The following PPP2R2C variants were observed in gnomAD, a reference collection of about 807,000 sequenced individuals.
PPP2R2C encodes protein phosphatase 2 regulatory subunit Bgamma.
A neutral mutation model predicts 45.3 loss-of-function variants in PPP2R2C; 10 were observed. That is an observed-to-expected ratio of 0.22 (90% CI 0.14 to 0.37). PPP2R2C has a LOEUF of 0.37. PPP2R2C is among the 10% of genes least tolerant of loss of function. The pLI is 1.00. For synonymous variants in PPP2R2C, 257 were observed against 245.4 expected (o/e 1.05, Z -0.44); for missense variants, 308 against 619.7 (o/e 0.50, Z 5.34).
rs985262662 is a variant in PPP2R2C at position 6,332,018 on chromosome 4, G to A, written c.960+1544C>T. Among the ~76,000 whole-genome samples the A allele has an allele frequency of 7.2e-5, 11 of 152,260 alleles. No individual in the cohort carries two copies. Among genetic ancestry groups the A allele is most frequent in the South Asian group, 2.1e-4 (1 of 4,826 alleles). Reference sequence around the variant, plus strand: ...GCCAGATGCCAAGTGCCCAGCTTACGGCCTCACGCTCCAGAACAGTCATTC... The same window carrying A: ...GCCAGATGCCAAGTGCCCAGCTTACAGCCTCACGCTCCAGAACAGTCATTC... On this transcript the variant is annotated intron_variant, in intron 7 of 8. Transcript: ENST00000382599. This position sits in a 1 kb window ranked among gnomAD's most constrained non-coding sequence, Gnocchi z 4.9.
intron 1 of PPP2R2C, among the ~76,000 whole-genome samples, chr4:6,444,922 C>A (rs1038866628): frequency 2.0e-5 from 3 of 152,202 alleles, no homozygotes. Flanking sequence ...CAGTGGCTCA[C>A]GCCTATAATC....
chr4:6,464,984 T>G (rs546542273), intron 1 of PPP2R2C, among the ~76,000 whole-genome samples: 40 of 152,254 alleles, frequency 2.6e-4, no homozygotes, highest in African/African-American at 8.4e-4. Flanking sequence ...ATTGAACTAC[T>G]GAATGATGAC....
At chr4:6,511,235 T>C (rs1445142148) in intron 2 of PPP2R2C, among the ~76,000 whole-genome samples, 1 of 146,514 alleles carries the variant, frequency 6.8e-6, no homozygotes, top group East Asian at 2.1e-4. Flanking sequence ...ATGTTAGTCG[T>C]TCCGCTGGTG....
At chr4:6,517,523 T>C (rs1202325908) in intron 2 of PPP2R2C, among the ~76,000 whole-genome samples, 3 of 152,208 alleles carry the variant, frequency 2.0e-5, no homozygotes, top group Non-Finnish European at 2.9e-5. Flanking sequence ...GTGCTGCTGT[T>C]ATTATCCATC....
chr4:6,348,994 G>A (rs1712275685), intron 5 of PPP2R2C: 1 of 984,438 alleles, frequency 1.0e-6, no homozygotes, highest in South Asian at 4.7e-5. Context: ...TGGTAAGGCT[G>A]GATTCAGCCT....
At chr4:6,402,175 A>C (rs1204244263) in intron 1 of PPP2R2C, among the ~76,000 whole-genome samples, 1 of 152,152 alleles carries the variant, frequency 6.6e-6, no homozygotes, top group Non-Finnish European at 1.5e-5. Context: ...TCAAGTTTCG[A>C]AGGCAAAGGT....
chr4:6,488,988 A>G (rs1372601508), intron 2 of PPP2R2C, among the ~76,000 whole-genome samples: 1 of 152,134 alleles, frequency 6.6e-6, no homozygotes, highest in East Asian at 1.9e-4. Context: ...CTGAGCACTC[A>G]AGTTGGACTT....
chr4:6,349,916 T>C, intron 5 of PPP2R2C: 1 of 985,308 alleles, frequency 1.0e-6, no homozygotes, highest in South Asian at 4.7e-5. Flanking sequence ...CAGTATTTTC[T>C]GACCTCTCTA....
At chr4:6,550,610 A>G (rs1463324530) in intron 1 of PPP2R2C, among the ~76,000 whole-genome samples, 1 of 152,184 alleles carries the variant, frequency 6.6e-6, no homozygotes, top group African/African-American at 2.4e-5. Flanking sequence ...CCAGTCTACA[A>G]TATTTCGCAG....
chr4:6,411,090 T>G (rs1036524911), intron 1 of PPP2R2C, among the ~76,000 whole-genome samples: 1 of 151,746 alleles, frequency 6.6e-6, no homozygotes, highest in African/African-American at 2.4e-5. Context: ...AGGCTGGTCT[T>G]GAACTCCTGA....
chr4:6,353,001 A>G (rs1457999743), intron 5 of PPP2R2C, among the ~76,000 whole-genome samples: 1 of 152,164 alleles, frequency 6.6e-6, no homozygotes, highest in Non-Finnish European at 1.5e-5. Flanking sequence ...CGATGGCTAC[A>G]GGAACATCTG....
intron 2 of PPP2R2C, among the ~76,000 whole-genome samples, chr4:6,531,182 C>T (rs529895797): frequency 2.6e-5 from 4 of 152,320 alleles, no homozygotes; most frequent in South Asian, 2.1e-4. Context: ...CAGCCGGCAC[C>T]GCTCTCCAGG....
intron 1 of PPP2R2C, among the ~76,000 whole-genome samples, chr4:6,545,194 AG>A (rs1279545087): frequency 6.6e-6 from 1 of 152,244 alleles, no homozygotes; most frequent in African/African-American, 2.4e-5. Flanking sequence ...CATAGTTTTT[AG>A]GGATTTGTTA....
Position 6,472,252 on chromosome 4 carries a change from G to T in PPP2R2C, c.-23C>A. 6.2e-7 allele frequency: 1 copy of T among 1,611,890 alleles called. No individual in the cohort carries two copies. Among genetic ancestry groups the T allele is most frequent in the Non-Finnish European group, 8.5e-7 (1 of 1,178,828 alleles). The stretch of plus-strand genomic sequence containing the variant: ...CATTGAAGGCCGTGCCCGGTGCTCT[G>T]GGCATGCCCCGCCGCCACACACCGA... On this transcript the variant is annotated 5_prime_UTR_variant, in exon 1 of 9. Coordinates refer to ENST00000382599, the MANE Select transcript of PPP2R2C (RefSeq NM_020416.4).
At chr4:6,554,930 G>GAAAGAAAGAAAGAAAGAAAGAAAGAAA in intron 1 of PPP2R2C, among the ~76,000 whole-genome samples, 1 of 116,192 alleles carries the variant, frequency 8.6e-6, no homozygotes, top group African/African-American at 3.9e-5. Context: ...AAGGAAGGAA[G>GAAAGAAAGAAAGAAAGAAAGAAAGAAA]GAAAGAAAGA....
At chr4:6,375,698 G>A in intron 4 of PPP2R2C, 121 bp downstream of exon 4, 2 of 822,328 alleles carry the variant, frequency 2.4e-6, no homozygotes, top group East Asian at 2.6e-5. Flanking sequence ...CCGCCCAGCA[G>A]CCAGCAGCCC....
Position 6,331,651 on chromosome 4 carries a change from G to T in PPP2R2C, c.960+1911C>A, listed in dbSNP as rs967742872. On this transcript the variant is annotated intron_variant, in intron 7 of 8. Transcript: ENST00000382599. This position sits in a 1 kb window ranked among gnomAD's most constrained non-coding sequence, Gnocchi z 5.9. ...TAGTGCATTTCCTATTTCCTGCCTGGAATGTAGGCAAAGTGCTTGGAGGTG... is the reference window on the plus strand; with the variant it reads ...TAGTGCATTTCCTATTTCCTGCCTGTAATGTAGGCAAAGTGCTTGGAGGTG... Among the ~76,000 whole-genome samples, 6 of 152,146 alleles carry T rather than the reference G, an allele frequency of 3.9e-5. No individual in the cohort carries two copies. Among genetic ancestry groups the T allele is most frequent in the African/African-American group, 1.4e-4 (6 of 41,430 alleles).
chr4:6,538,784 G>A (rs1311344985), intron 1 of PPP2R2C, among the ~76,000 whole-genome samples: 4 of 152,204 alleles, frequency 2.6e-5, no homozygotes, highest in Admixed American at 2.6e-4. Context: ...GACGCGTGGA[G>A]CTGGCCGCTC....
At chr4:6,494,702 A>T (rs778560023) in intron 2 of PPP2R2C, among the ~76,000 whole-genome samples, 9 of 152,340 alleles carry the variant, frequency 5.9e-5, no homozygotes, top group Non-Finnish European at 1.2e-4. Flanking sequence ...AGCTGGGAGC[A>T]GGGCAGACAG....
Sources: allele counts gnomAD v4.1 joint callset (sites outside exome capture counted in the v4.1 genomes callset), GRCh38; gene constraint gnomAD v4.1.1; non-coding constraint Gnocchi (gnomAD v3.1); transcripts MANE v1.5; gene names NCBI Gene and HGNC (gene_info 2026-07-23, HGNC 2026-07-21).